VPS13C: variants seen among roughly 807,000 people sequenced by gnomAD.
VPS13C encodes the protein intermembrane lipid transfer protein VPS13C.
VPS13C carries 358 observed loss-of-function variants against 456.8 expected under a neutral mutation model. The ratio of observed to expected loss-of-function variants is 0.78; its 90% CI spans 0.72 to 0.86. VPS13C has a LOEUF of 0.86. Among genes scored for constraint, VPS13C ranks in the 40% least tolerant of loss-of-function variants. The probability of loss-of-function intolerance (pLI) is 0.00; values close to 1 mark genes in which losing one functional copy is unlikely to be tolerated. For missense variants in VPS13C, 4,818 were observed against 4,385.4 expected, an observed-to-expected ratio of 1.10 and a Z score of -2.79; for synonymous variants, 1,578 against 1,486.7, an observed-to-expected ratio of 1.06 and a Z score of -1.41.
At chr15:61,869,741 G>T (rs1199778388) in intron 79 of VPS13C, 118 bp from the exon 80 acceptor site, 22 of 1,502,754 alleles carry the variant, frequency 1.5e-5, no homozygotes, top group Admixed American at 2.2e-5. Flanking sequence ...CAAAAATTTG[G>T]CTTTCTAAAG....
chr15:61,967,745 T>C (rs962193540), intron 28 of VPS13C, among the ~76,000 whole-genome samples: 1 of 152,014 alleles, frequency 6.6e-6, no homozygotes, highest in Non-Finnish European at 1.5e-5. Context: ...TTAAATAATT[T>C]CCTTTTGTTT....
At chr15:62,021,993 T>G (rs904665646) in intron 8 of VPS13C, among the ~76,000 whole-genome samples, 1 of 151,936 alleles carries the variant, frequency 6.6e-6, no homozygotes, top group African/African-American at 2.4e-5. Context: ...TCCTTCATTT[T>G]AAAGGCTGAA....
chr15:61,853,495 T>C lies in VPS13C; in HGVS notation c.*962A>G, dbSNP rs1893751204. On this transcript the variant is annotated 3_prime_UTR_variant, in exon 85 of 85. Coordinates refer to ENST00000644861, the MANE Select transcript of VPS13C (RefSeq NM_020821.3). ...CATTACAGAGGGCAGAGTGTAGCTA[T>C]TTTAAGGTTTGATTGTCCAGATTTT... 1 of 152,194 alleles carries C rather than the reference T, an allele frequency of 6.6e-6. No individual in the cohort carries two copies. Among genetic ancestry groups the C allele is most frequent in the Admixed American group, 6.5e-5 (1 of 15,290 alleles). The allele number at this position is 152,194 out of a possible 1,614,324, so 9.4% of individuals were successfully genotyped here.
chr15:62,040,406 CATT>C (rs1471182730), intron 3 of VPS13C, among the ~76,000 whole-genome samples: 2 of 152,116 alleles, frequency 1.3e-5, no homozygotes, highest in Non-Finnish European at 2.9e-5. Flanking sequence ...ATAGAAACCT[CATT>C]TACCCCGATG....
At chr15:62,002,574 T>C (rs1284534532) in intron 15 of VPS13C, among the ~76,000 whole-genome samples, 1 of 152,230 alleles carries the variant, frequency 6.6e-6, no homozygotes, top group East Asian at 1.9e-4. Flanking sequence ...TTTTGGTGTT[T>C]TAGACATGAA....
chr15:61,891,139 A>T (rs1264063943), intron 66 of VPS13C, among the ~76,000 whole-genome samples: 3 of 152,206 alleles, frequency 2.0e-5, no homozygotes, highest in African/African-American at 7.2e-5. Flanking sequence ...TATTTATGTA[A>T]ATCACACTGG....
At chr15:62,002,327 C>G (rs1445724505) in intron 15 of VPS13C, among the ~76,000 whole-genome samples, 2 of 152,044 alleles carry the variant, frequency 1.3e-5, no homozygotes, top group African/African-American at 4.8e-5. Flanking sequence ...CTTTTGAAAA[C>G]TGTCTGTTCA....
chr15:61,862,499 AAATG>A (rs948344964), intron 82 of VPS13C, among the ~76,000 whole-genome samples: 11 of 152,226 alleles, frequency 7.2e-5, no homozygotes, highest in African/African-American at 2.4e-4. Context: ...TACAATTTTA[AAATG>A]AATTAACACA....
chr15:61,983,330 G>C (rs1033048163), intron 20 of VPS13C, among the ~76,000 whole-genome samples: 1 of 152,140 alleles, frequency 6.6e-6, no homozygotes, highest in African/African-American at 2.4e-5. Flanking sequence ...GGATAAGATA[G>C]CATGAATAAA....
In VPS13C at chr15:62,000,553, A is replaced by C. The variant is rs761246297; in HGVS notation, c.1353+11T>G. 2 of 1,603,062 alleles carry C rather than the reference A, an allele frequency of 1.2e-6. No individual in the cohort carries two copies. Among genetic ancestry groups the C allele is most frequent in the South Asian group, 2.3e-5 (2 of 87,756 alleles). ...GTTTAAAACATAAAATCAGCTAATA[A>C]AAATGATTACCTCAACTTGTGCTTG... On this transcript the variant is annotated intron_variant, in intron 16 of 84. Transcript: ENST00000644861.
chr15:61,914,837 T>C (rs2043411708), intron 61 of VPS13C, among the ~76,000 whole-genome samples: 1 of 137,842 alleles, frequency 7.3e-6, no homozygotes, highest in Non-Finnish European at 1.5e-5. Context: ...CTGGCTGGGA[T>C]TTACAGGCAT....
intron 6 of VPS13C, among the ~76,000 whole-genome samples, chr15:62,025,413 T>C (rs1469348890): frequency 2.6e-5 from 4 of 152,052 alleles, no homozygotes; most frequent in African/African-American, 7.2e-5. Flanking sequence ...GTTCTATTCA[T>C]AAATCAAACA....
intron 55 of VPS13C, 73 bp from the exon 56 acceptor site, chr15:61,920,720 G>A: frequency 7.1e-7 from 1 of 1,410,710 alleles, no homozygotes; most frequent in Non-Finnish European, 9.5e-7. Flanking sequence ...CTGGAGTTCA[G>A]TTCTCCTAAA....
At chr15:61,966,678 C>T (rs1025603833) in intron 29 of VPS13C, among the ~76,000 whole-genome samples, 2 of 151,936 alleles carry the variant, frequency 1.3e-5, no homozygotes, top group Admixed American at 6.6e-5. Flanking sequence ...GAGAAGTCTT[C>T]TGGCCTTGCC....
At chr15:62,057,993 GT>G (rs2048856227) in intron 1 of VPS13C, among the ~76,000 whole-genome samples, 1 of 152,128 alleles carries the variant, frequency 6.6e-6, no homozygotes, top group Non-Finnish European at 1.5e-5. Context: ...AAAAGAAAAT[GT>G]CTAAAGTAAA....
intron 26 of VPS13C, 80 bp from the exon 27 acceptor site, chr15:61,972,844 A>C: frequency 7.1e-7 from 1 of 1,406,690 alleles, no homozygotes; most frequent in Non-Finnish European, 9.6e-7. Context: ...AAATCTCTAA[A>C]AAGTGAAATT....
In VPS13C at chr15:61,931,155, G is replaced by C. The variant is rs1376858284; in HGVS notation, c.5973C>G (p.Val1991=). Residue 1991 remains valine, a synonymous_variant, in exon 50 of 85, where the codon GTC becomes GTG. Coordinates refer to ENST00000644861, the MANE Select transcript of VPS13C (RefSeq NM_020821.3). ...GKMFKDGSMN[V]SVKLKTCTLD... ...GGGTGCATGTCTTAAGTTTAACGCTGACATTCATTGAGCCATCCTTAAACA... is the reference window on the plus strand; with the variant it reads ...GGGTGCATGTCTTAAGTTTAACGCTCACATTCATTGAGCCATCCTTAAACA... 4 of 1,613,976 alleles carry C rather than the reference G, an allele frequency of 2.5e-6. No individual in the cohort carries two copies. Among genetic ancestry groups the C allele is most frequent in the South Asian group, 2.2e-5 (2 of 91,082 alleles).
At chr15:61,861,038 T>C (rs990641791) in intron 82 of VPS13C, among the ~76,000 whole-genome samples, 1 of 143,978 alleles carries the variant, frequency 6.9e-6, no homozygotes, top group African/African-American at 2.6e-5. Context: ...CTCAGCTCAC[T>C]GCAACCTTCG....
intron 11 of VPS13C, among the ~76,000 whole-genome samples, chr15:62,012,539 T>C (rs1421227178): frequency 2.6e-5 from 4 of 151,938 alleles, no homozygotes; most frequent in East Asian, 3.8e-4. Flanking sequence ...ATTTATCCAG[T>C]TCTAAAAATT....
Sources: allele counts gnomAD v4.1 joint callset (sites outside exome capture counted in the v4.1 genomes callset), GRCh38; gene constraint gnomAD v4.1.1; transcripts MANE v1.5; gene names NCBI Gene and HGNC (gene_info 2026-07-23, HGNC 2026-07-21).